The following ATP2C1 variants were observed in gnomAD, a reference collection of about 807,000 sequenced individuals.
The protein encoded by ATP2C1 is calcium-transporting ATPase type 2C member 1.
ATP2C1 carries 31 observed loss-of-function variants against 120.5 expected under a neutral mutation model. The ratio of observed to expected loss-of-function variants is 0.26; its 90% confidence interval spans 0.19 to 0.35. ATP2C1 has a LOEUF of 0.35. ATP2C1 is among the 10% of genes least tolerant of loss of function. The probability of loss-of-function intolerance (pLI) is 1.00; values close to 1 mark genes in which losing one functional copy is unlikely to be tolerated. For synonymous variants in ATP2C1, 351 were observed against 358.7 expected, an observed-to-expected ratio of 0.98 and a Z score of 0.24; for missense variants, 731 against 1,107.5, an observed-to-expected ratio of 0.66 and a Z score of 4.83.
chr3:130,870,158 C>T (rs578118044), intron 1 of ATP2C1, among the ~76,000 whole-genome samples: 1 of 152,126 alleles, frequency 6.6e-6, no homozygotes, highest in African/African-American at 2.4e-5. Flanking sequence ...TTTAAGCCCA[C>T]TGTTGAGACC....
In ATP2C1 at chr3:130,894,170, C is replaced by A; in HGVS notation, c.-348C>A. The A allele has an allele frequency of 1.7e-6, 1 of 590,690 alleles. No homozygotes were observed. Among genetic ancestry groups the A allele is most frequent in the Non-Finnish European group, 2.1e-6 (1 of 470,932 alleles). The allele number at this position is 590,690 out of a possible 1,614,324, so 36.6% of individuals were successfully genotyped here. A position where few individuals can be genotyped will look rare whatever the true frequency, so the allele number is the denominator to read the frequency against. ...TCTCTCCCCTCCCCGCCCGCCCTCT[C>A]TCCCTCCCTTCCTCCCTCCCGCTCG... On this transcript the variant is annotated 5_prime_UTR_variant, in exon 1 of 28. Coordinates refer to ENST00000510168, the MANE Select transcript of ATP2C1 (RefSeq NM_001378687.1). The surrounding 1 kb of genome is among the most constrained non-coding windows in gnomAD (Gnocchi z 4.5).
chr3:130,873,441 G>C (rs1429512034), intron 1 of ATP2C1, among the ~76,000 whole-genome samples: 1 of 152,116 alleles, frequency 6.6e-6, no homozygotes, highest in Non-Finnish European at 1.5e-5. Context: ...ATACAAATAT[G>C]TACTTTTGGT....
chr3:130,967,723 G>T (rs2061113786), intron 16 of ATP2C1, among the ~76,000 whole-genome samples: 1 of 152,164 alleles, frequency 6.6e-6, no homozygotes, highest in Admixed American at 6.5e-5. Flanking sequence ...CTTTATAAAT[G>T]TGTGTAATTG....
chr3:130,997,940 T>C (rs779381064), intron 25 of ATP2C1, among the ~76,000 whole-genome samples, 187 bp downstream of exon 25: 3 of 152,188 alleles, frequency 2.0e-5, no homozygotes, highest in Non-Finnish European at 4.4e-5. Flanking sequence ...GATTCATGTA[T>C]TAGAATAAAT....
chr3:130,866,202 C>T (rs887797699), intron 1 of ATP2C1, among the ~76,000 whole-genome samples: 3 of 84,318 alleles, frequency 3.6e-5, no homozygotes, highest in African/African-American at 1.4e-4. Context: ...AGTATTTTAG[C>T]CTTAAATAAT....
At chr3:130,970,184 G>A (rs1175345569) in intron 17 of ATP2C1, among the ~76,000 whole-genome samples, 1 of 151,924 alleles carries the variant, frequency 6.6e-6, no homozygotes, top group African/African-American at 2.4e-5. Context: ...CAGGTGTGGT[G>A]GTGTGTGCCT....
intron 2 of ATP2C1, among the ~76,000 whole-genome samples, chr3:130,901,563 G>C (rs894870576): frequency 2.0e-5 from 3 of 152,038 alleles, no homozygotes; most frequent in African/African-American, 7.2e-5. Context: ...AATCAGACAT[G>C]ACTGCAAGAT....
chr3:130,885,478 T>A (rs746446539), intron 1 of ATP2C1, among the ~76,000 whole-genome samples: 5 of 152,204 alleles, frequency 3.3e-5, no homozygotes, highest in Non-Finnish European at 5.9e-5. Context: ...ATGATTTAAT[T>A]TCTTGCTTCT....
At chr3:130,934,004 G>A (rs1265124915) in intron 4 of ATP2C1, among the ~76,000 whole-genome samples, 1 of 152,182 alleles carries the variant, frequency 6.6e-6, no homozygotes, top group Non-Finnish European at 1.5e-5. Context: ...ATGTCCAACT[G>A]GAAGAATTTG....
intron 17 of ATP2C1, among the ~76,000 whole-genome samples, chr3:130,975,016 T>C (rs2061481419): frequency 6.6e-6 from 1 of 152,200 alleles, no homozygotes; most frequent in Non-Finnish European, 1.5e-5. Context: ...ACTTGAACCA[T>C]TGTGAGCTGT....
chr3:130,986,923 G>GTTAGT (rs78879304), intron 20 of ATP2C1, among the ~76,000 whole-genome samples: 1 of 2,496 alleles, frequency 4.0e-4, no homozygotes, highest in East Asian at 5.7e-3. Context: ...GTTTAGTTTA[G>GTTAGT]TTAGTTTAGT....
chr3:130,913,029 C>T (rs2058509746), intron 2 of ATP2C1, among the ~76,000 whole-genome samples: 2 of 138,014 alleles, frequency 1.4e-5, no homozygotes, highest in South Asian at 4.7e-4. Context: ...CACATATTCT[C>T]ACTCATAGGT....
chr3:130,968,883 T>C (rs1319636716), intron 16 of ATP2C1, among the ~76,000 whole-genome samples: 2 of 152,158 alleles, frequency 1.3e-5, no homozygotes, highest in African/African-American at 2.4e-5. Flanking sequence ...ACTAGGATGA[T>C]AACAGGTGAG....
chr3:130,899,991 G>A (rs994297690), intron 2 of ATP2C1, among the ~76,000 whole-genome samples: 3 of 152,032 alleles, frequency 2.0e-5, no homozygotes, highest in Non-Finnish European at 2.9e-5. Context: ...ACCTAAACTC[G>A]TGTCCCTCCC....
intron 1 of ATP2C1, among the ~76,000 whole-genome samples, chr3:130,853,118 GA>G (rs1158056204): frequency 2.6e-5 from 4 of 151,944 alleles, no homozygotes; most frequent in Admixed American, 6.6e-5. Context: ...AGTTTATTTA[GA>G]AAAAAAGTTC....
At chr3:131,012,168 T>C (rs368580144) in intron 26 of ATP2C1, among the ~76,000 whole-genome samples, 5 of 152,254 alleles carry the variant, frequency 3.3e-5, no homozygotes, top group African/African-American at 1.2e-4. Flanking sequence ...GGGACAGTTA[T>C]ATTAATATAG....
intron 19 of ATP2C1, 63 bp from the exon 20 acceptor site, chr3:130,980,519 G>A (rs944140507): frequency 9.3e-6 from 11 of 1,176,926 alleles, no homozygotes; most frequent in South Asian, 6.1e-5. Flanking sequence ...TGAGCATTAC[G>A]TTGACTAGCC....
chr3:130,896,305 G>T (rs2069619807), intron 2 of ATP2C1, among the ~76,000 whole-genome samples: 1 of 152,180 alleles, frequency 6.6e-6, no homozygotes, highest in Non-Finnish European at 1.5e-5. Flanking sequence ...GGGGGTGGTT[G>T]TGAGATAGGA....
intron 8 of ATP2C1, among the ~76,000 whole-genome samples, chr3:130,953,286 A>G (rs974899440): frequency 2.0e-5 from 3 of 152,092 alleles, no homozygotes; most frequent in Non-Finnish European, 2.9e-5. Flanking sequence ...AAGCATTTGT[A>G]TACATTTTTG....
Sources: allele counts gnomAD v4.1 joint callset (sites outside exome capture counted in the v4.1 genomes callset), GRCh38; gene constraint gnomAD v4.1.1; non-coding constraint Gnocchi (gnomAD v3.1); transcripts MANE v1.5; gene names NCBI Gene and HGNC (gene_info 2026-07-23, HGNC 2026-07-21).